CRY1: variants seen among roughly 807,000 people sequenced by gnomAD.
CRY1 encodes the protein cryptochrome circadian regulator 1, also known as cryptochrome-1.
CRY1 carries 45 observed loss-of-function variants against 76.0 expected under a neutral mutation model. That is an observed-to-expected ratio of 0.59 (90% CI 0.47 to 0.76). The LOEUF is 0.76. Among genes scored for constraint, CRY1 ranks in the 30% least tolerant of loss-of-function variants. CRY1 has a pLI of 0.00. For synonymous variants in CRY1, 248 were observed against 244.0 expected, an observed-to-expected ratio of 1.02 and a Z score of -0.15; for missense variants, 587 against 716.4, an observed-to-expected ratio of 0.82 and a Z score of 2.06.
intron 1 of CRY1, among the ~76,000 whole-genome samples, chr12:107,053,989 T>C (rs1261959622): frequency 6.6e-6 from 1 of 151,814 alleles, no homozygotes; most frequent in Non-Finnish European, 1.5e-5. Flanking sequence ...CCTAAGAGAG[T>C]TTACCATCAC....
intron 1 of CRY1, among the ~76,000 whole-genome samples, chr12:107,070,415 CAA>C (rs1235574330): frequency 6.6e-6 from 1 of 152,006 alleles, no homozygotes; most frequent in African/African-American, 2.4e-5. Context: ...GCACATAAAA[CAA>C]TATCTGTTTT....
intron 2 of CRY1, among the ~76,000 whole-genome samples, chr12:107,014,682 A>G (rs551717756): frequency 1.1e-4 from 17 of 152,120 alleles, no homozygotes; most frequent in Non-Finnish European, 2.1e-4. Context: ...GAAAGCTATA[A>G]TATTAAGTTT....
At chr12:107,041,998 G>A (rs968864804) in intron 1 of CRY1, among the ~76,000 whole-genome samples, 3 of 152,152 alleles carry the variant, frequency 2.0e-5, no homozygotes, top group Non-Finnish European at 2.9e-5. Flanking sequence ...AGACAAATAG[G>A]ATTGGTGTAT....
chr12:107,084,229 C>T (rs1234676069), intron 1 of CRY1, among the ~76,000 whole-genome samples: 2 of 152,178 alleles, frequency 1.3e-5, no homozygotes, highest in Non-Finnish European at 2.9e-5. Context: ...TAGGAAGAAT[C>T]AGCATCATGA....
At chr12:107,056,540 T>C (rs541701164) in intron 1 of CRY1, among the ~76,000 whole-genome samples, 10 of 152,278 alleles carry the variant, frequency 6.6e-5, no homozygotes, top group Non-Finnish European at 1.3e-4. Flanking sequence ...CAACACAATT[T>C]TGTAAACTTT....
chr12:106,996,329 T>C (rs1952232861), intron 10 of CRY1, among the ~76,000 whole-genome samples: 1 of 152,226 alleles, frequency 6.6e-6, no homozygotes, highest in African/African-American at 2.4e-5. Context: ...GCATAGTATT[T>C]CATGGTACAT....
rs142090741 is a variant in CRY1 at position 107,038,486 on chromosome 12, A to G, written c.159-16294T>C. The stretch of plus-strand genomic sequence containing the variant: ...GGAAAGATGGATGGATTGACTTATA[A>G]AAGAAATGGAGGAAGGAAAAACAGC... On this transcript the variant is annotated intron_variant, in intron 1 of 12. Coordinates refer to ENST00000008527, the MANE Select transcript of CRY1 (RefSeq NM_004075.5). 3.5e-3 allele frequency among the ~76,000 whole-genome samples: 532 copies of G among 152,324 alleles called. 2 individuals are homozygous for G. The highest frequency in any genetic ancestry group is 5.9e-3 in the Non-Finnish European group (404 of 68,024).
chr12:107,025,487 C>T (rs531938552), intron 1 of CRY1, among the ~76,000 whole-genome samples: 2 of 152,250 alleles, frequency 1.3e-5, no homozygotes, highest in African/African-American at 4.8e-5. Flanking sequence ...TCGGACCTGT[C>T]TCATAGCATT....
chr12:107,000,223 A>G (rs924248061), intron 5 of CRY1, 141 bp from the exon 6 acceptor site: 19 of 843,034 alleles, frequency 2.3e-5, no homozygotes, highest in Non-Finnish European at 3.0e-5. Flanking sequence ...ACATGTTTTA[A>G]TAAAAAATAA....
At chr12:107,050,813 C>T (rs1261483396) in intron 1 of CRY1, among the ~76,000 whole-genome samples, 1 of 151,928 alleles carries the variant, frequency 6.6e-6, no homozygotes, top group Non-Finnish European at 1.5e-5. Context: ...GACAGACTAA[C>T]CAGTCTTAGA....
chr12:107,009,872 T>G lies in CRY1; in HGVS notation c.268-4624A>C, dbSNP rs557995666. 1.3e-3 allele frequency among the ~76,000 whole-genome samples: 191 copies of G among 152,128 alleles called. 1 individual carries two copies. The highest frequency in any genetic ancestry group is 4.3e-3 in the African/African-American group (179 of 41,532). Reference sequence around the variant, plus strand: ...TTTTCTCAAACTTTCCTTGTCAGGTTGTGGTATCAGGGTTATGCTGTCCTC... The same window carrying G: ...TTTTCTCAAACTTTCCTTGTCAGGTGGTGGTATCAGGGTTATGCTGTCCTC... On this transcript the variant is annotated intron_variant, in intron 2 of 12. Coordinates refer to ENST00000008527, the MANE Select transcript of CRY1 (RefSeq NM_004075.5).
chr12:107,028,527 C>A (rs947699703), intron 1 of CRY1, among the ~76,000 whole-genome samples: 1 of 151,946 alleles, frequency 6.6e-6, no homozygotes, highest in Non-Finnish European at 1.5e-5. Flanking sequence ...AAATAAAAGA[C>A]CTAGATAATA....
chr12:107,092,857 GT>G lies in CRY1; in HGVS notation c.104del (p.Tyr35SerfsTer35). 6.2e-7 allele frequency: 1 copy of G among 1,611,370 alleles called. No individual in the cohort carries two copies. Among genetic ancestry groups the G allele is most frequent in the Non-Finnish European group, 8.5e-7 (1 of 1,179,720 alleles). ...IQGADTIRCV[Y>X]ILDPWFAGSS... The stretch of plus-strand genomic sequence containing the variant: ...AGCCGGCGAACCAGGGGTCCAGGAT[GT>G]AGACGCAGCGGATGGTGTCGGCGCC... On this transcript the variant is annotated frameshift_variant, in exon 1 of 13. Transcript: ENST00000008527. LOFTEE classifies it high-confidence loss of function.
intron 12 of CRY1, 88 bp from the exon 13 acceptor site, chr12:106,992,089 A>G (rs562865750): frequency 6.6e-6 from 1 of 152,310 alleles, no homozygotes; most frequent in South Asian, 2.1e-4. Context: ...TATTGACCTT[A>G]TCTTCAAGAT....
intron 4 of CRY1, 68 bp from the exon 5 acceptor site, chr12:107,001,436 G>C: frequency 7.6e-7 from 1 of 1,322,172 alleles, no homozygotes; most frequent in Non-Finnish European, 1.1e-6. Context: ...CAATAACTGG[G>C]AGAACAAATT....
chr12:107,052,668 A>C (rs572646233), intron 1 of CRY1, among the ~76,000 whole-genome samples: 1 of 152,220 alleles, frequency 6.6e-6, no homozygotes, highest in Non-Finnish European at 1.5e-5. Flanking sequence ...AACCTGAAGG[A>C]AAGTTGGAGA....
chr12:107,038,061 C>G (rs1952757127), intron 1 of CRY1, among the ~76,000 whole-genome samples: 2 of 152,084 alleles, frequency 1.3e-5, no homozygotes, highest in South Asian at 4.1e-4. Flanking sequence ...AAATAAGTAC[C>G]AGGCAAAGAA....
intron 2 of CRY1, among the ~76,000 whole-genome samples, chr12:107,010,102 G>C (rs1209438968): frequency 6.7e-6 from 1 of 149,952 alleles, no homozygotes; most frequent in African/African-American, 2.5e-5. Flanking sequence ...CTTCTTATGA[G>C]AGTTCTAGTA....
chr12:107,072,153 A>G (rs1953197817), intron 1 of CRY1, among the ~76,000 whole-genome samples: 1 of 147,658 alleles, frequency 6.8e-6, no homozygotes, highest in Non-Finnish European at 1.5e-5. Context: ...ATATGTGTTC[A>G]TTCTTTTGTC....
Sources: gnomAD v4.1 joint callset for allele counts (sites outside exome capture counted in the v4.1 genomes callset) on GRCh38, gnomAD v4.1.1 for gene constraint, MANE v1.5 for transcripts, NCBI Gene and HGNC (gene_info 2026-07-23, HGNC 2026-07-21) for gene names.